CATSPERB: variants seen among roughly 807,000 people sequenced by gnomAD.
CATSPERB encodes the protein cation channel sperm-associated auxiliary subunit beta.
Under a neutral mutation model 128.3 loss-of-function variants are expected in CATSPERB, and 93 were observed. That is an observed-to-expected ratio of 0.72 (90% CI 0.61 to 0.86). The LOEUF is 0.86. CATSPERB is among the 40% of genes least tolerant of loss of function. The probability of loss-of-function intolerance (pLI) is 0.00; values close to 1 mark genes in which losing one functional copy is unlikely to be tolerated. For missense variants in CATSPERB, 1,153 were observed against 1,329.5 expected, an observed-to-expected ratio of 0.87 and a Z score of 2.06; for synonymous variants, 381 against 448.8, an observed-to-expected ratio of 0.85 and a Z score of 1.91.
At chr14:91,619,107 A>C (rs1349865553) in intron 19 of CATSPERB, among the ~76,000 whole-genome samples, 1 of 152,214 alleles carries the variant, frequency 6.6e-6, no homozygotes, top group Non-Finnish European at 1.5e-5. Context: ...TAATTAGAAC[A>C]TTGCGGTGTT....
At chr14:91,598,491 T>C (rs11623393) in intron 22 of CATSPERB, among the ~76,000 whole-genome samples, 95,438 of 152,044 alleles carry the variant, frequency 0.63, 31,300 homozygotes, top group Admixed American at 0.75. Flanking sequence ...ACCTAGATTA[T>C]TTATGAAAAC....
chr14:91,663,224 T>A (rs1252949710), intron 14 of CATSPERB, among the ~76,000 whole-genome samples: 1 of 152,196 alleles, frequency 6.6e-6, no homozygotes, highest in Non-Finnish European at 1.5e-5. Flanking sequence ...GACTGCTAAA[T>A]GGCTGACTTA....
intron 15 of CATSPERB, among the ~76,000 whole-genome samples, chr14:91,653,096 A>G (rs1318434403): frequency 7.2e-5 from 11 of 152,190 alleles, no homozygotes; most frequent in Admixed American, 7.2e-4. Flanking sequence ...GGCCTGCAAA[A>G]CCATGCTTTT....
chr14:91,661,873 T>C (rs1271593057), intron 14 of CATSPERB, among the ~76,000 whole-genome samples: 1 of 152,152 alleles, frequency 6.6e-6, no homozygotes, highest in Non-Finnish European at 1.5e-5. Context: ...TCAGTTTTGC[T>C]GAACCAGATT....
At chr14:91,676,540 T>C (rs1895195715) in intron 11 of CATSPERB, among the ~76,000 whole-genome samples, 1 of 152,040 alleles carries the variant, frequency 6.6e-6, no homozygotes, top group African/African-American at 2.4e-5. Flanking sequence ...TTTTTCTGCC[T>C]GCCTTGAATC....
intron 7 of CATSPERB, among the ~76,000 whole-genome samples, chr14:91,700,616 A>G (rs1451431005): frequency 6.6e-6 from 1 of 152,182 alleles, no homozygotes; most frequent in Non-Finnish European, 1.5e-5. Flanking sequence ...GATAAAGACA[A>G]TGTGGCACAC....
intron 14 of CATSPERB, among the ~76,000 whole-genome samples, chr14:91,668,377 G>A (rs1895025268): frequency 6.6e-6 from 1 of 152,052 alleles, no homozygotes; most frequent in African/African-American, 2.4e-5. Context: ...GCACCAATCA[G>A]CACTCTGTGT....
At chr14:91,694,669 T>C (rs187760459) in intron 7 of CATSPERB, among the ~76,000 whole-genome samples, 1 of 152,310 alleles carries the variant, frequency 6.6e-6, no homozygotes, top group Admixed American at 6.5e-5. Context: ...AACTATGATT[T>C]ACTTTTTTAT....
intron 16 of CATSPERB, among the ~76,000 whole-genome samples, 181 bp downstream of exon 16, chr14:91,638,915 T>G (rs563171364): frequency 8.5e-5 from 13 of 152,368 alleles, no homozygotes; most frequent in Admixed American, 8.5e-4. Context: ...ATATGGGACT[T>G]GGAAGAAGAT....
chr14:91,716,712 T>TACAC (rs34934524), intron 5 of CATSPERB, among the ~76,000 whole-genome samples: 22,372 of 137,472 alleles, frequency 0.16, 2,086 homozygotes, highest in South Asian at 0.32. Flanking sequence ...TTTACAAGCA[T>TACAC]ACACACACAC....
chr14:91,610,749 C>T (rs544242981), intron 20 of CATSPERB, 72 bp from the exon 21 acceptor site: 3 of 1,430,442 alleles, frequency 2.1e-6, no homozygotes, highest in African/African-American at 1.4e-5. Flanking sequence ...AACCAAAAAT[C>T]ACATGTTGAA....
At chr14:91,598,096 C>G (rs1398540406) in intron 22 of CATSPERB, among the ~76,000 whole-genome samples, 1 of 151,450 alleles carries the variant, frequency 6.6e-6, no homozygotes, top group East Asian at 1.9e-4. Flanking sequence ...TTTTAAACAA[C>G]CAGTTATTTT....
chr14:91,583,930 A>G (rs924405785), intron 26 of CATSPERB, among the ~76,000 whole-genome samples: 1 of 152,098 alleles, frequency 6.6e-6, no homozygotes, highest in Non-Finnish European at 1.5e-5. Context: ...GCTGGAGTGC[A>G]GTGGTTATTC....
intron 18 of CATSPERB, 119 bp from the exon 19 acceptor site, chr14:91,622,056 G>T: frequency 3.3e-6 from 2 of 602,454 alleles, no homozygotes; most frequent in Non-Finnish European, 2.8e-6. Flanking sequence ...CTTAACCAGA[G>T]AACACAGTTG....
intron 6 of CATSPERB, among the ~76,000 whole-genome samples, chr14:91,707,881 A>G (rs1895761766): frequency 6.6e-6 from 1 of 151,428 alleles, no homozygotes; most frequent in Admixed American, 6.6e-5. Flanking sequence ...TGCTGAGATT[A>G]CAGGCATGAG....
At chr14:91,625,874 C>T (rs1894150151) in intron 17 of CATSPERB, among the ~76,000 whole-genome samples, 1 of 152,150 alleles carries the variant, frequency 6.6e-6, no homozygotes, top group Non-Finnish European at 1.5e-5. Flanking sequence ...ACCGGTAATC[C>T]CAGCACTTTG....
In CATSPERB at chr14:91,660,859, T is replaced by C. The variant is rs148813715; in HGVS notation, c.1288-878A>G. Among the ~76,000 whole-genome samples the C allele has an allele frequency of 4.3e-3, 659 of 152,328 alleles. 3 individuals carry two copies. The highest frequency in any genetic ancestry group is 7.3e-3 in the Non-Finnish European group (500 of 68,032). ...AATCGGTTTGAAAATTCGAAGCATT[T>C]ACATTCATATGTATGCAGATACCAA... On this transcript the variant is annotated intron_variant, in intron 14 of 26. Coordinates refer to ENST00000256343, the MANE Select transcript of CATSPERB (RefSeq NM_024764.4).
chr14:91,598,051 G>A (rs4904796), intron 22 of CATSPERB, among the ~76,000 whole-genome samples: 8,279 of 150,848 alleles, frequency 0.055, 662 homozygotes, highest in East Asian at 0.39. Flanking sequence ...TCATGACATG[G>A]CCAGACTTTC....
In CATSPERB at chr14:91,642,890, T is replaced by A. The variant is rs1307850730; in HGVS notation, c.1433-3640A>T. Among the ~76,000 whole-genome samples the A allele has an allele frequency of 3.6e-5, 5 of 140,808 alleles. No individual in the cohort carries two copies. In the East Asian group the frequency reaches 1.1e-3, roughly 32 times the overall value. The allele number at this position is 140,808 out of a possible 152,430, so 92.4% of individuals were successfully genotyped here. On this transcript the variant is annotated intron_variant, in intron 15 of 26. Transcript: ENST00000256343. ...TGATTATTGCCACAATTTCAGCTCC[T>A]GTTATTGGTCTATTCAGAGATTCAA...
Sources: gnomAD v4.1 joint callset for allele counts (sites outside exome capture counted in the v4.1 genomes callset) on GRCh38, gnomAD v4.1.1 for gene constraint, MANE v1.5 for transcripts, NCBI Gene and HGNC (gene_info 2026-07-23, HGNC 2026-07-21) for gene names.